Variants in HS1BP3 observed in about 807,000 individuals in gnomAD.
HS1BP3 encodes HCLS1 binding protein 3, also known as HCLS1-binding protein 3.
Under a neutral mutation model 33.5 loss-of-function variants are expected in HS1BP3, and 32 were observed. That is an observed-to-expected ratio of 0.95 (90% confidence interval 0.72 to 1.28). The LOEUF (loss-of-function observed/expected upper bound fraction) is 1.28. Ranked by LOEUF, HS1BP3 falls within the 50% of genes most tolerant of loss-of-function variation. HS1BP3 has a pLI of 0.00. For missense variants in HS1BP3, 486 were observed against 502.3 expected (o/e 0.97, Z 0.31); for synonymous variants, 187 against 209.2 (o/e 0.89, Z 0.92).
chr2:20,620,963 A>C (rs1388944184), intron 6 of HS1BP3, among the ~76,000 whole-genome samples: 1 of 152,252 alleles, frequency 6.6e-6, no homozygotes, highest in Non-Finnish European at 1.5e-5. Flanking sequence ...CTTGGGCCAG[A>C]GCAGGCTGGG....
intron 2 of HS1BP3, among the ~76,000 whole-genome samples, chr2:20,642,189 C>T (rs1462877238): frequency 6.6e-6 from 1 of 152,270 alleles, no homozygotes. Context: ...CAGGCCCGGA[C>T]TGTGCCCACA....
At chr2:20,586,035 T>A (rs1055539014) in intron 5 of HS1BP3, among the ~76,000 whole-genome samples, 5 of 152,172 alleles carry the variant, frequency 3.3e-5, no homozygotes, top group Admixed American at 3.3e-4. Flanking sequence ...TGCAGTGCCA[T>A]ACACCGTGGC....
intron 1 of HS1BP3, among the ~76,000 whole-genome samples, 155 bp from the exon 2 acceptor site, chr2:20,645,660 G>A (rs13406099): frequency 0.021 from 3,125 of 152,274 alleles, 127 homozygotes; most frequent in African/African-American, 0.071. Flanking sequence ...CACCCATCCC[G>A]CCACACCAGC....
At chr2:20,597,910 C>T (rs779793734) in intron 3 of HS1BP3, among the ~76,000 whole-genome samples, 19 of 152,046 alleles carry the variant, frequency 1.2e-4, no homozygotes, top group Middle Eastern at 3.2e-3. Context: ...GCAGGGGAGC[C>T]GGCTGCCTCC....
chr2:20,595,681 C>G (rs1476071838), intron 3 of HS1BP3, among the ~76,000 whole-genome samples: 1 of 152,220 alleles, frequency 6.6e-6, no homozygotes, highest in Non-Finnish European at 1.5e-5. Context: ...CCTGCTGACT[C>G]TTCCGTGACA....
At chr2:20,589,062 A>G (rs957985827), downstream of HS1BP3, among the ~76,000 whole-genome samples, 1 of 152,230 alleles carries the variant, frequency 6.6e-6, no homozygotes, top group Non-Finnish European at 1.5e-5. Flanking sequence ...CTGGGCATCA[A>G]ACTGTCTCTC....
intron 1 of HS1BP3, among the ~76,000 whole-genome samples, chr2:20,646,296 C>T (rs1695517722): frequency 6.6e-6 from 1 of 152,196 alleles, no homozygotes; most frequent in African/African-American, 2.4e-5. Flanking sequence ...CTCTGAGCAG[C>T]TCTGACCATC....
chr2:20,592,035 T>A (rs902531318), downstream of HS1BP3, among the ~76,000 whole-genome samples: 3 of 152,282 alleles, frequency 2.0e-5, no homozygotes, highest in Middle Eastern at 3.4e-3. Flanking sequence ...AAGCTGGCCC[T>A]GGAGGAAGTT....
At chr2:20,594,379 G>A (rs1693898143) in intron 3 of HS1BP3, among the ~76,000 whole-genome samples, 1 of 152,214 alleles carries the variant, frequency 6.6e-6, no homozygotes, top group South Asian at 2.1e-4. Flanking sequence ...GTGGCTGATG[G>A]CATCACAAAT....
At chr2:20,634,620 G>A (rs1248476107) in intron 4 of HS1BP3, 1 of 152,232 alleles carries the variant, frequency 6.6e-6, no homozygotes, top group African/African-American at 2.4e-5. Context: ...CACCTTAAGG[G>A]ACTGTCTTGC....
At chr2:20,650,232 A>G (rs772492463) in intron 1 of HS1BP3, among the ~76,000 whole-genome samples, 3 of 152,230 alleles carry the variant, frequency 2.0e-5, no homozygotes, top group Non-Finnish European at 4.4e-5. Flanking sequence ...ATAAATTGGC[A>G]TCTTAGCCTA....
downstream of HS1BP3, among the ~76,000 whole-genome samples, chr2:20,555,940 C>G (rs949658949): frequency 2.0e-5 from 3 of 152,204 alleles, no homozygotes; most frequent in African/African-American, 7.2e-5. Context: ...CCCCTTCCCT[C>G]AGTTCTTCCT....
chr2:20,597,245 A>C (rs1198153824), intron 3 of HS1BP3, among the ~76,000 whole-genome samples: 1 of 152,220 alleles, frequency 6.6e-6, no homozygotes, highest in East Asian at 1.9e-4. Context: ...TTGGAGCAAA[A>C]GGTCACTTCC....
intron 4 of HS1BP3, among the ~76,000 whole-genome samples, chr2:20,631,847 G>A (rs1359991451): frequency 1.3e-5 from 2 of 152,076 alleles, no homozygotes; most frequent in Non-Finnish European, 2.9e-5. Context: ...CAAGCGCCCA[G>A]TACCCCCAAG....
chr2:20,598,542 T>C (rs922533322), intron 2 of HS1BP3, among the ~76,000 whole-genome samples: 1 of 650 alleles, frequency 1.5e-3, no homozygotes, highest in Non-Finnish European at 5.7e-3. Context: ...GGTACTTCTT[T>C]TTTTTTTTTT....
chr2:20,624,465 C>A (rs111594880), intron 5 of HS1BP3, among the ~76,000 whole-genome samples: 7 of 152,172 alleles, frequency 4.6e-5, no homozygotes, highest in African/African-American at 1.7e-4. Flanking sequence ...TCCATGCAGG[C>A]GACACAGAGT....
Position 20,622,426 on chromosome 2 carries a change from C to A in HS1BP3, c.920+1470G>T, listed in dbSNP as rs184846560. ...ACTTTTTGAGCAGGGACTCCCCAAG[C>A]GCTCTGCGGGATGCTAAGGGGCACC... On this transcript the variant is annotated intron_variant, in intron 6 of 6. Coordinates refer to ENST00000304031, the MANE Select transcript of HS1BP3 (RefSeq NM_022460.4). 6.0e-5 allele frequency: 48 copies of A among 798,652 alleles called. No individual in the cohort carries two copies. The Middle Eastern group carries it at 1.1e-3, about 19-fold the overall frequency. 49.5% of individuals were successfully genotyped at this position (798,652 alleles called of 1,614,324 possible). A position where few individuals can be genotyped will look rare whatever the true frequency, so the allele number is the denominator to read the frequency against.
At chr2:20,574,028 C>G (rs1050877716) in intron 5 of HS1BP3, among the ~76,000 whole-genome samples, 1 of 152,370 alleles carries the variant, frequency 6.6e-6, no homozygotes, top group Non-Finnish European at 1.5e-5. Flanking sequence ...GAATGCAAAA[C>G]TAGGTCCTTC....
At chr2:20,559,334 T>C (rs1006894284), downstream of HS1BP3, among the ~76,000 whole-genome samples, 5 of 152,250 alleles carry the variant, frequency 3.3e-5, no homozygotes, top group African/African-American at 9.6e-5. Flanking sequence ...TGTCACTGCA[T>C]CTGTCTGTTC....
Sources: allele counts gnomAD v4.1 joint callset (sites outside exome capture counted in the v4.1 genomes callset), GRCh38; gene constraint gnomAD v4.1.1; transcripts MANE v1.5; gene names NCBI Gene and HGNC (gene_info 2026-07-23, HGNC 2026-07-21).